ASH1L: variants seen among roughly 807,000 people sequenced by gnomAD.
ASH1L encodes the protein ASH1 like histone lysine methyltransferase.
Under a neutral mutation model 269.0 loss-of-function variants are expected in ASH1L, and 23 were observed. That is an observed-to-expected ratio of 0.09 (90% CI 0.06 to 0.12). The LOEUF is 0.12. Among genes scored for constraint, ASH1L ranks in the 10% least tolerant of loss-of-function variants. The pLI is 1.00. For synonymous variants in ASH1L, 1,187 were observed against 1,253.5 expected (o/e 0.95, Z 1.12); for missense variants, 2,912 against 3,567.8 (o/e 0.82, Z 4.68).
chr1:155,482,055 TTTA>T lies in ASH1L; in HGVS notation c.812_814del (p.Ile271del). ...AACTGCTGTGCTGATGGTTGGCTTTTTTATTAAGTCCTTATGTATTATTCCAGC... is the reference window on the plus strand; with the variant it reads ...AACTGCTGTGCTGATGGTTGGCTTTTTTAAGTCCTTATGTATTATTCCAGC... On this transcript the variant is annotated inframe_deletion, in exon 3 of 28. Transcript: ENST00000392403. 6.2e-7 allele frequency: 1 copy of T among 1,614,184 alleles called. No individual in the cohort carries two copies. The highest frequency in any genetic ancestry group is 8.5e-7 in the Non-Finnish European group (1 of 1,180,012).
At chr1:155,381,601 A>G (rs1656951826) in intron 7 of ASH1L, among the ~76,000 whole-genome samples, 4 of 151,708 alleles carry the variant, frequency 2.6e-5, no homozygotes, top group Admixed American at 2.0e-4. Context: ...GCTGGGCGCA[A>G]TGGTTCATGC....
chr1:155,480,324 A>T lies in ASH1L; in HGVS notation c.2546T>A (p.Ile849Asn). 1 of 1,613,828 alleles carries T rather than the reference A, an allele frequency of 6.2e-7. No individual in the cohort carries two copies. Among genetic ancestry groups the T allele is most frequent in the Non-Finnish European group, 8.5e-7 (1 of 1,179,794 alleles). Reference sequence around the variant, plus strand: ...TAAAGAAAACACTTTAGAAGCAGGGATTTTTAAAGTCCTTTTAGGTGGCCC... The same window carrying T: ...TAAAGAAAACACTTTAGAAGCAGGGTTTTTTAAAGTCCTTTTAGGTGGCCC... ...LEGPPKRTLK[I>N]PASKVFSLQS... Residue 849 changes from isoleucine to asparagine, a missense_variant, in exon 3 of 28, where the codon ATC becomes AAC. Transcript: ENST00000392403.
intron 1 of ASH1L, among the ~76,000 whole-genome samples, chr1:155,544,727 T>C (rs1204827476): frequency 1.3e-5 from 2 of 151,826 alleles, no homozygotes; most frequent in African/African-American, 2.4e-5. Flanking sequence ...TGGGAGAAAA[T>C]ATAAACATGA....
At chr1:155,523,173 G>C (rs550753323) in intron 1 of ASH1L, among the ~76,000 whole-genome samples, 1 of 152,066 alleles carries the variant, frequency 6.6e-6, no homozygotes, top group Admixed American at 6.5e-5. Flanking sequence ...TAAACGATGT[G>C]CCCTGAGACT....
intron 5 of ASH1L, among the ~76,000 whole-genome samples, chr1:155,418,588 T>C (rs1222301321): frequency 6.6e-6 from 1 of 152,126 alleles, no homozygotes; most frequent in East Asian, 1.9e-4. Context: ...TATACAATGA[T>C]GTAACATTCA....
At position 155,482,439 on chromosome 1, in the gene ASH1L, T is replaced by C; in HGVS notation, c.431A>G (p.Lys144Arg). 6.2e-7 allele frequency: 1 copy of C among 1,607,322 alleles called. No individual in the cohort carries two copies. Among genetic ancestry groups the C allele is most frequent in the Non-Finnish European group, 8.5e-7 (1 of 1,176,944 alleles). ...EHCPSKRDPS[K>R]LYKKADDVAA... ...AACATCATCTGCTTTCTTGTACAACTTTGAAGGGTCCTAAAATTTGAACAA... is the reference window on the plus strand; with the variant it reads ...AACATCATCTGCTTTCTTGTACAACCTTGAAGGGTCCTAAAATTTGAACAA... The change falls in exon 3 of 28, where the codon AAG becomes AGG. Residue 144 changes from lysine to arginine, a missense_variant. Lys to Arg is a conservative substitution (Grantham distance 26, BLOSUM62 2). This residue lies in a region of ASH1L where 277 missense variants were observed against 367.7 expected (regional missense o/e 0.75). Coordinates refer to ENST00000392403, the MANE Select transcript of ASH1L (RefSeq NM_018489.3).
intron 5 of ASH1L, chr1:155,434,150 G>T: frequency 2.5e-6 from 4 of 1,593,376 alleles, no homozygotes; most frequent in Non-Finnish European, 3.4e-6. Context: ...TGGTACCCCA[G>T]GCTATGGGAG....
chr1:155,353,210 T>C (rs566537309), intron 16 of ASH1L, among the ~76,000 whole-genome samples: 4 of 152,284 alleles, frequency 2.6e-5, no homozygotes, highest in African/African-American at 9.6e-5. Flanking sequence ...TTCTCAAACA[T>C]AAAATGAGAA....
chr1:155,475,492 T>C (rs954440045), intron 3 of ASH1L, among the ~76,000 whole-genome samples: 4 of 152,192 alleles, frequency 2.6e-5, no homozygotes, highest in African/African-American at 9.7e-5. Flanking sequence ...CCATAACTAG[T>C]AACTATCTAA....
chr1:155,431,586 C>T (rs1360816765), intron 5 of ASH1L, among the ~76,000 whole-genome samples: 1 of 149,034 alleles, frequency 6.7e-6, no homozygotes, highest in Non-Finnish European at 1.5e-5. Context: ...CATAGTGAGA[C>T]CCCATCTCTA....
At chr1:155,443,599 CT>C (rs1467283089) in intron 4 of ASH1L, among the ~76,000 whole-genome samples, 2 of 152,156 alleles carry the variant, frequency 1.3e-5, no homozygotes, top group African/African-American at 4.8e-5. Flanking sequence ...AATAAATTGC[CT>C]GTCATCCACA....
rs749335458 is a variant in ASH1L at position 155,479,571 on chromosome 1, G to A, written c.3299C>T (p.Ser1100Phe). ...PPLLPSSASS[S>F]EILPSPICSQ... ...GCAAATAGGTGATGGAAGAATCTCA[G>A]AACTACTAGCAGATGAAGGCAGTAA... The change falls in exon 3 of 28, where the codon TCT becomes TTT. Residue 1100 changes from serine (S) to phenylalanine (F), a missense_variant. Around this residue, in one of 13 missense-constraint regions of ASH1L, gnomAD observed 157 missense variants for 154.6 expected, o/e 1.02. Coordinates refer to ENST00000392403, the MANE Select transcript of ASH1L (RefSeq NM_018489.3). The A allele has an allele frequency of 6.2e-7, 1 of 1,614,184 alleles. No homozygotes were observed. The highest frequency in any genetic ancestry group is 8.5e-7 in the Non-Finnish European group (1 of 1,180,032).
intron 20 of ASH1L, among the ~76,000 whole-genome samples, chr1:155,347,451 A>G (rs1476497931): frequency 6.6e-6 from 1 of 152,182 alleles, no homozygotes. Context: ...GAGAGAAGGA[A>G]AGAAAAAGAA....
intron 12 of ASH1L, among the ~76,000 whole-genome samples, chr1:155,365,213 G>A (rs1233676878): frequency 6.7e-6 from 1 of 150,138 alleles, no homozygotes; most frequent in African/African-American, 2.4e-5. Flanking sequence ...TGACAGCTTT[G>A]TTTTTTTTTG....
At chr1:155,383,595 G>A (rs774514078) in intron 7 of ASH1L, among the ~76,000 whole-genome samples, 1 of 152,150 alleles carries the variant, frequency 6.6e-6, no homozygotes, top group Non-Finnish European at 1.5e-5. Flanking sequence ...TTATAAGATT[G>A]CCTAACAATG....
chr1:155,360,091 T>C (rs1053083892), intron 13 of ASH1L, among the ~76,000 whole-genome samples: 3 of 151,896 alleles, frequency 2.0e-5, no homozygotes, highest in Admixed American at 6.6e-5. Flanking sequence ...GGTTTTGTCA[T>C]GTTGGCCAGG....
chr1:155,532,776 T>C (rs1480017829), intron 1 of ASH1L, among the ~76,000 whole-genome samples: 1 of 150,754 alleles, frequency 6.6e-6, no homozygotes, highest in Non-Finnish European at 1.5e-5. Context: ...TGAGCCGAGA[T>C]TGTGCCACTG....
intron 3 of ASH1L, among the ~76,000 whole-genome samples, chr1:155,474,722 T>C (rs1031237099): frequency 1.3e-4 from 20 of 151,304 alleles, no homozygotes; most frequent in Admixed American, 8.6e-4. Context: ...AAAAAAAAAC[T>C]GTGTTCTCCT....
intron 22 of ASH1L, 32 bp downstream of exon 22, chr1:155,344,151 C>A (rs1351072505): frequency 6.3e-7 from 1 of 1,596,306 alleles, no homozygotes; most frequent in African/African-American, 1.3e-5. Flanking sequence ...AAGGTCACCT[C>A]TGACAAGTAG....
Sources: allele counts gnomAD v4.1 joint callset (sites outside exome capture counted in the v4.1 genomes callset), GRCh38; gene constraint gnomAD v4.1.1; regional missense constraint gnomAD v4.1.1; transcripts MANE v1.5; gene names NCBI Gene and HGNC (gene_info 2026-07-23, HGNC 2026-07-21).